Variants in NLRP14 observed in about 807,000 individuals in gnomAD.
NLRP14 encodes NLR family pyrin domain containing 14.
A neutral mutation model predicts 94.7 loss-of-function variants in NLRP14; 105 were observed. The observed-to-expected ratio is 1.11, with a 90% CI of 0.95 to 1.30. The LOEUF is 1.30. Ranked by LOEUF, NLRP14 falls within the 50% of genes most tolerant of loss-of-function variation. The probability of loss-of-function intolerance (pLI) is 0.00; values close to 1 mark genes in which losing one functional copy is unlikely to be tolerated. For missense variants in NLRP14, 1,362 were observed against 1,254.1 expected (o/e 1.09, Z -1.30); for synonymous variants, 508 against 459.9 (o/e 1.10, Z -1.34).
chr11:7,045,046 T>A (rs1227966497), intron 4 of NLRP14, among the ~76,000 whole-genome samples: 1 of 152,222 alleles, frequency 6.6e-6, no homozygotes, highest in Non-Finnish European at 1.5e-5. Flanking sequence ...AGGTCACACA[T>A]CTGATTGTAA....
the NLRP14 span, chr11:7,090,822 G>C: frequency 3.5e-5 from 6 of 172,254 alleles, no homozygotes; most frequent in Admixed American, 1.2e-4. Flanking sequence ...AACAACAAAA[G>C]TGATTTAGAT....
intron 5 of NLRP14, among the ~76,000 whole-genome samples, chr11:7,049,434 C>T (rs915450790): frequency 4.6e-5 from 7 of 152,230 alleles, no homozygotes; most frequent in African/African-American, 1.7e-4. Flanking sequence ...GTTAAAGAGG[C>T]TCCTCTTCTG....
chr11:7,022,114 G>T (rs1851953268), intron 1 of NLRP14, among the ~76,000 whole-genome samples: 1 of 152,148 alleles, frequency 6.6e-6, no homozygotes, highest in Admixed American at 6.5e-5. Context: ...TACAGTTTGG[G>T]GTTTAGCAGG....
downstream of NLRP14, among the ~76,000 whole-genome samples, chr11:7,073,892 C>T (rs1852837007): frequency 6.6e-6 from 1 of 152,128 alleles, no homozygotes; most frequent in South Asian, 2.1e-4. Context: ...ATTAGGTAGG[C>T]ATGATTGATT....
chr11:7,046,576 CACTT>C, intron 4 of NLRP14, 88 bp from the exon 5 acceptor site: 1 of 1,235,524 alleles, frequency 8.1e-7, no homozygotes, highest in Non-Finnish European at 1.2e-6. Context: ...TTCCAAAGTA[CACTT>C]ACTTTTACTC....
the NLRP14 span, among the ~76,000 whole-genome samples, chr11:7,087,356 T>A: frequency 0.031 from 4,711 of 152,320 alleles, 136 homozygotes; most frequent in East Asian, 0.13. Flanking sequence ...TAAGCCATCA[T>A]GGAGGTCAGA....
At chr11:7,086,149 A>G in the NLRP14 span, among the ~76,000 whole-genome samples, 1 of 152,216 alleles carries the variant, frequency 6.6e-6, no homozygotes, top group Non-Finnish European at 1.5e-5. Context: ...GTACCATTTT[A>G]TATTCCCACT....
the NLRP14 span, chr11:7,089,771 A>G: frequency 8.8e-6 from 14 of 1,583,618 alleles, no homozygotes; most frequent in Non-Finnish European, 1.0e-5. Flanking sequence ...ACTCGTCCAG[A>G]GACGGCTACT....
intron 1 of NLRP14, among the ~76,000 whole-genome samples, chr11:7,027,074 C>T (rs1229447330): frequency 1.3e-5 from 2 of 152,034 alleles, no homozygotes; most frequent in Non-Finnish European, 2.9e-5. Context: ...GAAGCCTGTT[C>T]ATGTAGTCAC....
rs1852589173 is a variant in NLRP14, at chr11:7,059,953, A to G, written c.2693A>G (p.His898Arg). Residue 898 changes from histidine to arginine, a missense_variant, in exon 9 of 12, where the codon CAC becomes CGC. By Grantham distance (29) the His-to-Arg change is conservative. Transcript: ENST00000299481. ...SSEYLSTSLL[H>R]NKSLTHLDLG... is the part of the protein sequence containing the mutation. ...GAATATCTGTCAACTTCTCTTCTAC[A>G]CAACAAGAGCCTGACGCATCTGGAT... 6.2e-7 allele frequency: 1 copy of G among 1,612,554 alleles called. No individual in the cohort carries two copies. The highest frequency in any genetic ancestry group is 1.3e-5 in the African/African-American group (1 of 74,964).
At chr11:7,084,746 A>T in the NLRP14 span, among the ~76,000 whole-genome samples, 7 of 152,178 alleles carry the variant, frequency 4.6e-5, no homozygotes, top group Non-Finnish European at 8.8e-5. Flanking sequence ...TGTTTTCCAG[A>T]TTTCTGTGAG....
chr11:7,058,197 G>A (rs112138572), intron 7 of NLRP14, 83 bp from the exon 8 acceptor site: 13 of 1,149,740 alleles, frequency 1.1e-5, no homozygotes, highest in African/African-American at 9.1e-5. Flanking sequence ...GGGGTTATAA[G>A]TGCCACTGAT....
rs1220953734 is a variant in NLRP14, at chr11:7,058,310, C to CT, written c.2494dup (p.Cys832LeufsTer2). 2 of 1,612,622 alleles carry CT rather than the reference C, an allele frequency of 1.2e-6. No individual in the cohort carries two copies. The highest frequency in any genetic ancestry group is 3.3e-5 in the Admixed American group (2 of 59,922). Reference sequence around the variant, plus strand: ...AAAGCTGTGGTCTCACAGAGGCTGGCTGTGAGTATCTTTCTTTGGCTCTCA... The same window carrying CT: ...AAAGCTGTGGTCTCACAGAGGCTGGCTTGTGAGTATCTTTCTTTGGCTCTCA... On this transcript the variant is annotated frameshift_variant, in exon 8 of 12. Coordinates refer to ENST00000299481, the MANE Select transcript of NLRP14 (RefSeq NM_176822.4). LOFTEE classifies it high-confidence loss of function.
the NLRP14 span, among the ~76,000 whole-genome samples, chr11:7,076,977 T>C: frequency 6.6e-6 from 1 of 152,202 alleles, no homozygotes; most frequent in Non-Finnish European, 1.5e-5. Context: ...TCGGTGAAGA[T>C]AGGTGATCTT....
At position 7,042,869 on chromosome 11, in the gene NLRP14, A is replaced by C; in HGVS notation, c.843A>C (p.Gln281His). ...TTGCACTGTGCGAAGACTGGACCCA[A>C]GAACACCCAGTGTCCTTCCTCATGA... ...PEFALCEDWTQEHPVSFLMSS... is the reference protein window; with the variant it reads ...PEFALCEDWTHEHPVSFLMSS... The change falls in exon 4 of 12, where the codon CAA becomes CAC. Residue 281 changes from glutamine to histidine, a missense_variant. Transcript: ENST00000299481. 6.2e-7 allele frequency: 1 copy of C among 1,614,198 alleles called. No homozygotes were observed. Among genetic ancestry groups the C allele is most frequent in the Non-Finnish European group, 8.5e-7 (1 of 1,180,042 alleles).
chr11:7,060,602 T>C (rs1852602608), intron 9 of NLRP14, among the ~76,000 whole-genome samples: 1 of 152,192 alleles, frequency 6.6e-6, no homozygotes, highest in Admixed American at 6.5e-5. Context: ...GTTTTTCTTT[T>C]AGATTTATAT....
chr11:7,052,057 A>G (rs1054794787), intron 6 of NLRP14, among the ~76,000 whole-genome samples: 21 of 152,238 alleles, frequency 1.4e-4, no homozygotes, highest in Non-Finnish European at 3.1e-4. Context: ...GTCTTAAAAT[A>G]TGCTTTAAGG....
intron 1 of NLRP14, among the ~76,000 whole-genome samples, chr11:7,038,284 A>C (rs1852189900): frequency 6.6e-6 from 1 of 152,168 alleles, no homozygotes; most frequent in South Asian, 2.1e-4. Flanking sequence ...GTTGAGGTTC[A>C]AAGAGAGGAA....
chr11:7,046,528 C>T (rs1852352468), intron 4 of NLRP14, 140 bp from the exon 5 acceptor site: 18 of 762,456 alleles, frequency 2.4e-5, no homozygotes, highest in Non-Finnish European at 3.0e-5. Flanking sequence ...TCCTGGTGGA[C>T]TGTGCCCACG....
Sources: allele counts gnomAD v4.1 joint callset (sites outside exome capture counted in the v4.1 genomes callset), GRCh38; gene constraint gnomAD v4.1.1; transcripts MANE v1.5; gene names NCBI Gene and HGNC (gene_info 2026-07-23, HGNC 2026-07-21).